Variants in ALAD observed in about 807,000 individuals in gnomAD.
ALAD encodes the protein delta-aminolevulinic acid dehydratase.
A neutral mutation model predicts 44.4 loss-of-function variants in ALAD; 20 were observed. The ratio of observed to expected loss-of-function variants is 0.45; its 90% CI spans 0.32 to 0.65. ALAD has a LOEUF of 0.65. ALAD is among the 30% of genes least tolerant of loss of function. ALAD has a pLI of 0.05. For synonymous variants in ALAD, 156 were observed against 167.9 expected (o/e 0.93, Z 0.55); for missense variants, 323 against 445.7 (o/e 0.72, Z 2.48).
chr9:113,392,240 G>A, intron 2 of ALAD, 71 bp from the exon 3 acceptor site: 1 of 1,610,762 alleles, frequency 6.2e-7, no homozygotes, highest in Non-Finnish European at 8.5e-7. Flanking sequence ...CGACTGAGAG[G>A]GATGGTTGGG....
chr9:113,389,751 ACCCCTGCCCAC>A lies in ALAD; in HGVS notation c.626+11_626+21del. 1 of 1,614,168 alleles carries A rather than the reference ACCCCTGCCCAC, an allele frequency of 6.2e-7. No homozygotes were observed. On this transcript the variant is annotated intron_variant, in intron 8 of 11. Transcript: ENST00000409155. ...CCAAAGGGCCAGGGATTCACAGCAGACCCCTGCCCACCCCTGCTCACCGGAAAGGGCCATAG... is the reference window on the plus strand; with the variant it reads ...CCAAAGGGCCAGGGATTCACAGCAGACCCTGCTCACCGGAAAGGGCCATAG...
At chr9:113,392,221 G>A (rs1293076508) in intron 2 of ALAD, 52 bp from the exon 3 acceptor site, 4 of 1,613,314 alleles carry the variant, frequency 2.5e-6, no homozygotes, top group Non-Finnish European at 3.4e-6. Flanking sequence ...AGGGCCAGTG[G>A]TGCGGGGGCG....
Position 113,389,447 on chromosome 9 carries a change from T to C in ALAD, c.792A>G (p.Val264=), listed in dbSNP as rs1417772488. The C allele has an allele frequency of 1.9e-6, 3 of 1,613,504 alleles. No homozygotes were observed. Among genetic ancestry groups the C allele is most frequent in the Non-Finnish European group, 2.5e-6 (3 of 1,180,036 alleles). ...TCGTACCTGTGCTCACCTTGTCCTT[T>C]ACCTCCCGCACGATGTCCAGGTAGG... ...GMPYLDIVRE[V]KDKHPDLPLA... is the part of the protein sequence containing the mutation. Residue 264 remains valine, a synonymous_variant, in exon 10 of 12, where the codon GTA becomes GTG. Coordinates refer to ENST00000409155, the MANE Select transcript of ALAD (RefSeq NM_000031.6).
chr9:113,394,370 T>C (rs1042024394), intron 1 of ALAD, among the ~76,000 whole-genome samples: 2 of 151,074 alleles, frequency 1.3e-5, no homozygotes, highest in African/African-American at 4.9e-5. Context: ...AGACCCTGTA[T>C]CTACAAAAAG....
intron 1 of ALAD, among the ~76,000 whole-genome samples, chr9:113,398,440 C>A (rs947330034): frequency 6.6e-6 from 1 of 152,160 alleles, no homozygotes; most frequent in African/African-American, 2.4e-5. Context: ...GCTGAGGGAA[C>A]AACTGGCTCC....
At chr9:113,390,354 G>T in intron 7 of ALAD, 51 bp downstream of exon 7, 1 of 1,571,038 alleles carries the variant, frequency 6.4e-7, no homozygotes, top group Non-Finnish European at 8.7e-7. Context: ...CGGGGGCAGG[G>T]CTGGTGCAGA....
At chr9:113,388,945 C>A (rs773664007) in intron 11 of ALAD, 32 bp downstream of exon 11, 2 of 1,613,652 alleles carry the variant, frequency 1.2e-6, no homozygotes, top group Non-Finnish European at 1.7e-6. Context: ...CCCTGTGGCG[C>A]AGGTCAAAAC....
chr9:113,399,468 G>A (rs1485473448), intron 1 of ALAD, among the ~76,000 whole-genome samples: 1 of 152,186 alleles, frequency 6.6e-6, no homozygotes, highest in Non-Finnish European at 1.5e-5. Context: ...CTTCCAGCAG[G>A]TTATGTGGTG....
At chr9:113,400,828 T>A (rs942648319) in intron 1 of ALAD, among the ~76,000 whole-genome samples, 9 of 151,910 alleles carry the variant, frequency 5.9e-5, no homozygotes, top group Non-Finnish European at 1.2e-4. Flanking sequence ...GTCTCAAAAA[T>A]AAATAAATAA....
chr9:113,397,579 C>T (rs543302548), intron 1 of ALAD, among the ~76,000 whole-genome samples: 4 of 151,260 alleles, frequency 2.6e-5, no homozygotes, highest in South Asian at 4.2e-4. Flanking sequence ...ATTTCGTACT[C>T]GATTTTGCTC....
intron 1 of ALAD, among the ~76,000 whole-genome samples, chr9:113,398,313 T>G (rs1385174405): frequency 1.3e-5 from 2 of 152,218 alleles, no homozygotes; most frequent in African/African-American, 4.8e-5. Context: ...TCTAGTCAGA[T>G]GTTGAAGAGA....
In ALAD at chr9:113,387,462, C is replaced by A. The variant is rs528302155; in HGVS notation, c.*838G>T. 6.6e-6 allele frequency: 1 copy of A among 152,376 alleles called. No homozygotes were observed. The highest frequency in any genetic ancestry group is 1.9e-4 in the East Asian group (1 of 5,186). 9.4% of individuals were successfully genotyped at this position (152,376 alleles called of 1,614,324 possible). A position where few individuals can be genotyped will look rare whatever the true frequency, so the allele number is the denominator to read the frequency against. On this transcript the variant is annotated 3_prime_UTR_variant, in exon 12 of 12. Transcript: ENST00000409155. ...CTCAGACCCCTTCTTTCCTTCAAAG[C>A]ACTTATCACAATTTGTAACTGCTTT...
At chr9:113,391,152 G>C (rs1356823184) in intron 4 of ALAD, among the ~76,000 whole-genome samples, 1 of 152,336 alleles carries the variant, frequency 6.6e-6, no homozygotes, top group East Asian at 1.9e-4. Context: ...ATGTGGGAGT[G>C]AGGGTGCAGT....
rs1827463720 is a variant in ALAD at position 113,388,312 on chromosome 9, C to T, written c.981G>A (p.Leu327=). The T allele has an allele frequency of 1.2e-6, 2 of 1,614,042 alleles. No individual in the cohort carries two copies. Among genetic ancestry groups the T allele is most frequent in the East Asian group, 2.2e-5 (1 of 44,902 alleles). The change falls in exon 12 of 12, where the codon CTG becomes CTA. Residue 327 remains leucine (L), a synonymous_variant. Transcript: ENST00000409155. ...TYYTPQLLQW[L]KEE ...GGCACTGTCTCCATCATTCCTCCTT[C>T]AGCCACTGCAGCAGCTGCGGTGTGT...
rs1827521033 is a variant in ALAD, at chr9:113,389,838, G to A, written c.571-10C>T. ...AGCTCATCACCGATACCTATGGGGA[G>A]ACAATGGAGGTCTTGGCTTATTCGG... On this transcript the variant is annotated splice_polypyrimidine_tract_variant and intron_variant, in intron 7 of 11. Transcript: ENST00000409155. 3 of 1,614,106 alleles carry A rather than the reference G, an allele frequency of 1.9e-6. No individual in the cohort carries two copies. The highest frequency in any genetic ancestry group is 2.2e-5 in the South Asian group (2 of 91,086).
intron 2 of ALAD, among the ~76,000 whole-genome samples, chr9:113,392,809 C>T (rs1019503050): frequency 1.4e-5 from 2 of 146,906 alleles, no homozygotes; most frequent in African/African-American, 5.1e-5. Flanking sequence ...ATCACGATTG[C>T]CATCTCTTTT....
At chr9:113,388,837 T>TC in intron 11 of ALAD, 140 bp downstream of exon 11, 1 of 1,339,678 alleles carries the variant, frequency 7.5e-7, no homozygotes, top group Middle Eastern at 1.9e-4. Context: ...CCATATCTCT[T>TC]CCTCAGTGTG....
At chr9:113,393,663 A>T in intron 1 of ALAD, 29 bp from the exon 2 acceptor site, 1 of 906,586 alleles carries the variant, frequency 1.1e-6, no homozygotes, top group South Asian at 1.4e-5. Context: ...GGCACATGAG[A>T]CATGGTCCCT....
chr9:113,397,962 T>G (rs1180893680), intron 1 of ALAD: 1 of 152,216 alleles, frequency 6.6e-6, no homozygotes, highest in Non-Finnish European at 1.5e-5. Context: ...ATTACCAAAA[T>G]GTAAGCCAGT....
Sources: gnomAD v4.1 joint callset for allele counts (sites outside exome capture counted in the v4.1 genomes callset) on GRCh38, gnomAD v4.1.1 for gene constraint, MANE v1.5 for transcripts, NCBI Gene and HGNC (gene_info 2026-07-23, HGNC 2026-07-21) for gene names.